SKP2: variants seen among roughly 807,000 people sequenced by gnomAD.
SKP2 encodes S-phase kinase-associated protein 2.
A neutral mutation model predicts 51.8 loss-of-function variants in SKP2; 16 were observed. The observed-to-expected ratio is 0.31, with a 90% CI of 0.21 to 0.47. The LOEUF is 0.47. Ranked by LOEUF, SKP2 falls within the 20% of genes least tolerant of loss-of-function variation. The pLI is 1.00. For missense variants in SKP2, 377 were observed against 505.3 expected, an observed-to-expected ratio of 0.75 and a Z score of 2.43; for synonymous variants, 176 against 198.6, an observed-to-expected ratio of 0.89 and a Z score of 0.96.
At chr5:36,160,925 T>A (rs1745102560) in intron 2 of SKP2, among the ~76,000 whole-genome samples, 1 of 152,088 alleles carries the variant, frequency 6.6e-6, no homozygotes, top group Admixed American at 6.5e-5. Flanking sequence ...CCTCAGTCAG[T>A]CCTTTAATTT....
intron 7 of SKP2, 24 bp from the exon 8 acceptor site, chr5:36,176,941 A>C: frequency 6.6e-7 from 1 of 1,504,790 alleles, no homozygotes. Flanking sequence ...AATAGTGACC[A>C]TCATGTTTTT....
At chr5:36,177,866 A>C (rs1745685250) in intron 9 of SKP2, among the ~76,000 whole-genome samples, 1 of 152,110 alleles carries the variant, frequency 6.6e-6, no homozygotes, top group Non-Finnish European at 1.5e-5. Flanking sequence ...CCTGATGGTG[A>C]GTTGGTGGCT....
chr5:36,164,273 GAA>G lies in SKP2; in HGVS notation c.392+519_392+520del, dbSNP rs574935340. Among the ~76,000 whole-genome samples, 267 of 152,318 alleles carry G rather than the reference GAA, an allele frequency of 1.8e-3. 4 individuals carry two copies. Among genetic ancestry groups the G allele is most frequent in the Non-Finnish European group, 8.5e-4 (58 of 68,030 alleles). On this transcript the variant is annotated intron_variant, in intron 3 of 9. Transcript: ENST00000274255. ...GGAGGAAACCACTGGTTATGAGGAT[GAA>G]ATGTGAAGATGCTGGTGTAATGCCT... is the stretch of plus-strand genomic sequence containing the variant.
chr5:36,177,810 G>A (rs895533594), intron 9 of SKP2, among the ~76,000 whole-genome samples: 2 of 152,058 alleles, frequency 1.3e-5, no homozygotes, highest in African/African-American at 4.8e-5. Flanking sequence ...TTTTTGAACA[G>A]GGGCATGTTA....
chr5:36,189,874 C>T lies in SKP2; in HGVS notation c.633-2747C>T, dbSNP rs928617146. 2.5e-4 allele frequency among the ~76,000 whole-genome samples: 38 copies of T among 152,194 alleles called. 1 individual carries two copies. Among genetic ancestry groups the T allele is most frequent in the African/African-American group, 7.2e-4 (30 of 41,458 alleles). ...GAGCTGCAGTGGGCTCCACCCAGTT[C>T]GAGCTTCCTGGCTGCTTTGTTTACC... On this transcript the variant is annotated intron_variant, in intron 6 of 7. Coordinates refer to the SKP2 transcript ENST00000677886.
At chr5:36,177,761 A>T (rs553202899) in intron 9 of SKP2, among the ~76,000 whole-genome samples, 1 of 152,166 alleles carries the variant, frequency 6.6e-6, no homozygotes, top group East Asian at 1.9e-4. Flanking sequence ...TTGGAAAGAT[A>T]TAAGCCTGTA....
At chr5:36,153,721 C>A (rs1744840411) in intron 2 of SKP2, among the ~76,000 whole-genome samples, 1 of 152,116 alleles carries the variant, frequency 6.6e-6, no homozygotes, top group Non-Finnish European at 1.5e-5. Flanking sequence ...TAATTCCAAC[C>A]TTCTTCTCCC....
chr5:36,157,721 T>C (rs950306071), intron 2 of SKP2, among the ~76,000 whole-genome samples: 3 of 152,250 alleles, frequency 2.0e-5, no homozygotes, highest in Admixed American at 1.3e-4. Flanking sequence ...TATACATTTC[T>C]GCAAGTATAA....
chr5:36,189,410 T>C (rs1745985012), intron 6 of SKP2, among the ~76,000 whole-genome samples: 1 of 152,226 alleles, frequency 6.6e-6, no homozygotes, highest in Non-Finnish European at 1.5e-5. Context: ...TTGGTGTGGA[T>C]GTCCTTTCTG....
chr5:36,156,458 G>A (rs913152140), intron 2 of SKP2, among the ~76,000 whole-genome samples: 6 of 152,138 alleles, frequency 3.9e-5, no homozygotes, highest in African/African-American at 7.2e-5. Flanking sequence ...CAGTCCAGCC[G>A]TACATCTGGC....
rs116022545 is a variant in SKP2 at position 36,191,656 on chromosome 5, G to T, written c.633-965G>T. 7.5e-3 allele frequency among the ~76,000 whole-genome samples: 1,146 copies of T among 152,158 alleles called. 17 individuals are homozygous for T. The highest frequency in any genetic ancestry group is 0.026 in the African/African-American group (1,096 of 41,516). On this transcript the variant is annotated intron_variant, in intron 6 of 7. Coordinates refer to the SKP2 transcript ENST00000677886. ...ATTTATTGACCATCCACAATGTGCA[G>T]GATACAACAGCCCAGGAGAAGATGC...
chr5:36,169,024 C>T (rs945590531), intron 5 of SKP2, among the ~76,000 whole-genome samples: 2 of 152,096 alleles, frequency 1.3e-5, no homozygotes, highest in Admixed American at 1.3e-4. Context: ...TAAACTCTTA[C>T]GTAGTTGGAA....
intron 7 of SKP2, among the ~76,000 whole-genome samples, chr5:36,175,427 C>A (rs1184593051): frequency 2.0e-5 from 3 of 152,044 alleles, no homozygotes; most frequent in Non-Finnish European, 4.4e-5. Flanking sequence ...AGGGGATATA[C>A]TTGTGAGACG....
chr5:36,164,289 G>A (rs114600210), intron 3 of SKP2, among the ~76,000 whole-genome samples: 2,638 of 152,256 alleles, frequency 0.017, 78 homozygotes, highest in African/African-American at 0.059. Flanking sequence ...TGAAGATGCT[G>A]GTGTAATGCC....
chr5:36,186,184 C>T (rs879381569), downstream of SKP2, among the ~76,000 whole-genome samples: 11 of 152,232 alleles, frequency 7.2e-5, no homozygotes, highest in Admixed American at 3.9e-4. Context: ...AATATACAAT[C>T]ATGTCATCTG....
At chr5:36,165,400 T>C (rs1473329762) in intron 3 of SKP2, among the ~76,000 whole-genome samples, 1 of 152,192 alleles carries the variant, frequency 6.6e-6, no homozygotes. Context: ...GGAAAGAAAA[T>C]GAATTGTTCC....
rs1745885888 is a variant in SKP2, at chr5:36,183,639, CA to C, written c.*1615del. 5.8e-6 allele frequency: 7 copies of C among 1,209,434 alleles called. No individual in the cohort carries two copies. The highest frequency in any genetic ancestry group is 1.6e-5 in the African/African-American group (1 of 63,264). 74.9% of individuals were successfully genotyped at this position (1,209,434 alleles called of 1,614,324 possible). ...TGTTCGTATGTTCAAAATGTAACAA[CA>C]AAAAAAGCTAACACCAGTCATTTAT... On this transcript the variant is annotated 3_prime_UTR_variant, in exon 10 of 10. Coordinates refer to ENST00000274255, the MANE Select transcript of SKP2 (RefSeq NM_005983.4).
At chr5:36,153,987 C>G (rs915151947) in intron 2 of SKP2, among the ~76,000 whole-genome samples, 1 of 152,152 alleles carries the variant, frequency 6.6e-6, no homozygotes, top group African/African-American at 2.4e-5. Context: ...TGTGCTAGGC[C>G]GTGTTCCAGG....
At chr5:36,163,366 TC>T (rs1455836928) in intron 2 of SKP2, among the ~76,000 whole-genome samples, 1 of 152,196 alleles carries the variant, frequency 6.6e-6, no homozygotes, top group African/African-American at 2.4e-5. Flanking sequence ...TCTGGGTTTC[TC>T]TTTTTGATTT....
Sources: allele counts gnomAD v4.1 joint callset (sites outside exome capture counted in the v4.1 genomes callset), GRCh38; gene constraint gnomAD v4.1.1; transcripts MANE v1.5; gene names NCBI Gene and HGNC (gene_info 2026-07-23, HGNC 2026-07-21).